ITGA6: variants seen among roughly 807,000 people sequenced by gnomAD.
ITGA6 encodes the protein integrin alpha-6.
ITGA6 carries 63 observed loss-of-function variants against 133.6 expected under a neutral mutation model. The ratio of observed to expected loss-of-function variants is 0.47; its 90% CI spans 0.38 to 0.58. The LOEUF is 0.58. Among genes scored for constraint, ITGA6 ranks in the 20% least tolerant of loss-of-function variants. ITGA6 has a pLI of 0.00. For synonymous variants in ITGA6, 434 were observed against 482.0 expected (o/e 0.90, Z 1.30); for missense variants, 1,068 against 1,309.4 (o/e 0.82, Z 2.85).
chr2:172,490,934 C>A, intron 20 of ITGA6, 90 bp from the exon 21 acceptor site: 1 of 779,550 alleles, frequency 1.3e-6, no homozygotes, highest in Non-Finnish European at 2.3e-6. Context: ...GTGAATCTGG[C>A]ACTGTTTGGG....
chr2:172,487,182 A>G (rs770262125), intron 14 of ITGA6, 44 bp downstream of exon 14: 3 of 1,515,100 alleles, frequency 2.0e-6, no homozygotes, highest in Non-Finnish European at 2.8e-6. Context: ...TTCTGGCTTC[A>G]TGGTGGCTTT....
chr2:172,467,464 T>C lies in ITGA6; in HGVS notation c.308-17T>C. 2 of 1,606,364 alleles carry C rather than the reference T, an allele frequency of 1.2e-6. No homozygotes were observed. The highest frequency in any genetic ancestry group is 8.5e-7 in the Non-Finnish European group (1 of 1,173,164). On this transcript the variant is annotated splice_polypyrimidine_tract_variant and intron_variant, in intron 2 of 25. Coordinates refer to ENST00000684293, the MANE Select transcript of ITGA6 (RefSeq NM_000210.4). ...ATGTGCAGTCACTTGGAAGGCTAAC[T>C]ATGCTCCTTTCTACAGCTGACCCCA...
chr2:172,454,519 A>AT (rs1685138045), intron 1 of ITGA6, among the ~76,000 whole-genome samples: 1 of 152,118 alleles, frequency 6.6e-6, no homozygotes, highest in South Asian at 2.1e-4. Context: ...GCCCTTTGGA[A>AT]ATACCTAACC....
intron 1 of ITGA6, among the ~76,000 whole-genome samples, chr2:172,444,589 C>A: frequency 3.7e-5 from 3 of 81,094 alleles, no homozygotes; most frequent in East Asian, 0.014. Context: ...AAAATCCCCG[C>A]CCCCCGCCCC....
intron 23 of ITGA6, chr2:172,495,542 AAAAAC>A (rs1453688415): frequency 6.6e-6 from 1 of 152,226 alleles, no homozygotes; most frequent in Non-Finnish European, 1.5e-5. Context: ...CAAAAACAAA[AAAAAC>A]AAAAACACCT....
At chr2:172,470,722 T>C (rs552523410) in intron 4 of ITGA6, among the ~76,000 whole-genome samples, 1 of 152,346 alleles carries the variant, frequency 6.6e-6, no homozygotes, top group Non-Finnish European at 1.5e-5. Flanking sequence ...TTTCATCTAG[T>C]TTCATGGCAT....
intron 19 of ITGA6, among the ~76,000 whole-genome samples, chr2:172,488,860 A>G (rs1559150684): frequency 1.3e-5 from 2 of 152,140 alleles, no homozygotes; most frequent in African/African-American, 4.8e-5. Context: ...CAGCTGGGGC[A>G]GGTGGTGGTG....
chr2:172,453,389 G>A (rs966051910), intron 1 of ITGA6, among the ~76,000 whole-genome samples: 6 of 152,064 alleles, frequency 3.9e-5, no homozygotes, highest in African/African-American at 1.4e-4. Context: ...TTAGCCAGGT[G>A]TGGTGACACA....
At chr2:172,494,055 C>T (rs763710599) in intron 23 of ITGA6, among the ~76,000 whole-genome samples, 3 of 152,178 alleles carry the variant, frequency 2.0e-5, no homozygotes, top group Non-Finnish European at 2.9e-5. Context: ...AGTCTTCTGA[C>T]ACCTTTTCTG....
At chr2:172,459,687 C>T (rs1414619889) in intron 1 of ITGA6, among the ~76,000 whole-genome samples, 2 of 152,178 alleles carry the variant, frequency 1.3e-5, no homozygotes, top group Non-Finnish European at 2.9e-5. Context: ...TATGCAGAGT[C>T]ACACTCAGTT....
intron 1 of ITGA6, among the ~76,000 whole-genome samples, chr2:172,437,840 G>C (rs867448244): frequency 2.0e-5 from 3 of 148,592 alleles, no homozygotes. Context: ...GGCAGGAGGA[G>C]AGGGAGGGAG....
At chr2:172,486,195 A>AC (rs1553538650) in intron 13 of ITGA6, among the ~76,000 whole-genome samples, 3 of 150,016 alleles carry the variant, frequency 2.0e-5, no homozygotes, top group African/African-American at 7.4e-5. Flanking sequence ...AAAAAAAAAA[A>AC]AACAACTAAT....
chr2:172,490,062 A>G, intron 20 of ITGA6: 1 of 192,294 alleles, frequency 5.2e-6, no homozygotes, highest in Non-Finnish European at 1.1e-5. Flanking sequence ...AGTAACCTTG[A>G]AAGCTTTTTA....
intron 1 of ITGA6, among the ~76,000 whole-genome samples, chr2:172,435,060 A>G (rs7567140): frequency 0.15 from 20,043 of 132,266 alleles, 2,335 homozygotes; most frequent in East Asian, 0.56. Context: ...GTGTGTGTGT[A>G]TGATGCAAAT....
intron 23 of ITGA6, among the ~76,000 whole-genome samples, chr2:172,492,125 G>A (rs546185259): frequency 1.3e-5 from 2 of 152,314 alleles, no homozygotes; most frequent in East Asian, 3.9e-4. Context: ...CCCTTCCTGG[G>A]CAATTTGATT....
intron 5 of ITGA6, among the ~76,000 whole-genome samples, chr2:172,473,487 C>G (rs899172751): frequency 1.3e-5 from 2 of 152,198 alleles, no homozygotes; most frequent in African/African-American, 4.8e-5. Context: ...GAAATGCTAT[C>G]TATGGTGTAT....
At chr2:172,447,635 ATTC>A (rs1421343062) in intron 1 of ITGA6, among the ~76,000 whole-genome samples, 13 of 152,160 alleles carry the variant, frequency 8.5e-5, no homozygotes, top group African/African-American at 2.9e-4. Context: ...TGCTAATGTT[ATTC>A]TTTTTTCCTT....
In ITGA6 at chr2:172,487,053, G is replaced by A. The variant is rs1380589527; in HGVS notation, c.1885G>A (p.Asp629Asn). The change falls in exon 14 of 26, where the codon GAC (aspartate) becomes AAC (asparagine). Residue 629 changes from aspartate (D) to asparagine (N), a missense_variant. By Grantham distance (23) the Asp-to-Asn change is conservative. Around this residue, in one of 3 missense-constraint regions of ITGA6, gnomAD observed 609 missense variants for 707.2 expected, o/e 0.86. Coordinates refer to ENST00000684293, the MANE Select transcript of ITGA6 (RefSeq NM_000210.4). ...CTTCTTAAAAGAGGGATGTGGAGAC[G>A]ACAATGTATGTAACAGCAACCTTAA... The part of the protein sequence containing the change: ...VHFLKEGCGD[D>N]NVCNSNLKLE... The A allele has an allele frequency of 4.3e-6, 7 of 1,611,714 alleles. No individual in the cohort carries two copies. Among genetic ancestry groups the A allele is most frequent in the East Asian group, 4.5e-5 (2 of 44,874 alleles).
rs866443376 is a variant in ITGA6, at chr2:172,487,975, A to G, written c.2339A>G (p.Asp780Gly). 14 of 1,613,748 alleles carry G rather than the reference A, an allele frequency of 8.7e-6. No homozygotes were observed. The Middle Eastern group carries it at 2.3e-3, about 266-fold the overall frequency. ...NLKLETTSNQ[D>G]NLAPITAKAK... Reference sequence around the variant, plus strand: ...TTCATTTTCAGAACAAGCAATCAAGATAATTTGGCTCCAATTACAGCTAAA... The same window carrying G: ...TTCATTTTCAGAACAAGCAATCAAGGTAATTTGGCTCCAATTACAGCTAAA... Residue 780 changes from aspartate to glycine, a missense_variant, in exon 18 of 26, where the codon GAT (aspartate) becomes GGT (glycine). Asp to Gly is a moderately conservative substitution (Grantham distance 94, BLOSUM62 -1). Coordinates refer to ENST00000684293, the MANE Select transcript of ITGA6 (RefSeq NM_000210.4).
Sources: gnomAD v4.1 joint callset for allele counts (sites outside exome capture counted in the v4.1 genomes callset) on GRCh38, gnomAD v4.1.1 for gene constraint, gnomAD v4.1.1 regional missense constraint, MANE v1.5 for transcripts, NCBI Gene and HGNC (gene_info 2026-07-23, HGNC 2026-07-21) for gene names.